CD58: variants seen among roughly 807,000 people sequenced by gnomAD.
CD58 encodes the protein lymphocyte function-associated antigen 3.
A neutral mutation model predicts 27.6 loss-of-function variants in CD58; 14 were observed. The observed-to-expected ratio is 0.51, with a 90% CI of 0.34 to 0.79. The LOEUF is 0.79. CD58 is among the 30% of genes least tolerant of loss of function. The pLI is 0.02. For synonymous variants in CD58, 117 were observed against 103.8 expected (o/e 1.13, Z -0.77); for missense variants, 268 against 301.7 (o/e 0.89, Z 0.83).
Position 116,550,784 on chromosome 1 carries a change from A to G in CD58, c.71-6180T>C. Among the ~76,000 whole-genome samples, 1 of 152,108 alleles carries G rather than the reference A, an allele frequency of 6.6e-6. No individual in the cohort carries two copies. Among genetic ancestry groups the G allele is most frequent in the East Asian group, 1.9e-4 (1 of 5,182 alleles). ...TATCTATGGCAGCTATAGCCTTACC[A>G]AGTGTATTCCTACATAATAAGACTT... On this transcript the variant is annotated intron_variant, in intron 1 of 5. Coordinates refer to ENST00000369489, the MANE Select transcript of CD58 (RefSeq NM_001779.3). The surrounding 1 kb of genome is among the most constrained non-coding windows in gnomAD (Gnocchi z 4.2).
Position 116,535,969 on chromosome 1 carries a change from G to A in CD58, c.624C>T (p.Ser208=). 1 of 1,604,210 alleles carries A rather than the reference G, an allele frequency of 6.2e-7. No homozygotes were observed. The highest frequency in any genetic ancestry group is 8.5e-7 in the Non-Finnish European group (1 of 1,175,096). The change falls in exon 3 of 6, where the codon AGC becomes AGT. Residue 208 remains serine (S), a synonymous_variant. Coordinates refer to ENST00000369489, the MANE Select transcript of CD58 (RefSeq NM_001779.3). ...CACATTTAGTTATTTACTCACCGCT[G>A]CTTGGGATACAGGTTGTCAAAATGA... ...SSIILTTCIP[S]SGHSRHRYAL...
chr1:116,525,401 T>A (rs1023114551), intron 3 of CD58, among the ~76,000 whole-genome samples: 4 of 152,264 alleles, frequency 2.6e-5, no homozygotes, highest in Admixed American at 6.5e-5. Flanking sequence ...TTCTATTGTC[T>A]GTATGTACCA....
At position 116,550,118 on chromosome 1, in the gene CD58, G is replaced by A. The variant is rs1658342717; in HGVS notation, c.71-5514C>T. ...AGGTCTTGCCTCAATGTTGATGGCT[G>A]CTGACTGATCAGGGTGTTGGTTGCT... On this transcript the variant is annotated intron_variant, in intron 1 of 5. Transcript: ENST00000369489. This position sits in a 1 kb window ranked among gnomAD's most constrained non-coding sequence, Gnocchi z 4.2. Among the ~76,000 whole-genome samples the A allele has an allele frequency of 6.6e-6, 1 of 152,190 alleles. No homozygotes were observed. Among genetic ancestry groups the A allele is most frequent in the South Asian group, 2.1e-4 (1 of 4,836 alleles).
Position 116,521,989 on chromosome 1 carries a change from A to AAAAAG in CD58, c.629-11_629-7dup, listed in dbSNP as rs770174255. 5 of 1,505,280 alleles carry AAAAAG rather than the reference A, an allele frequency of 3.3e-6. No homozygotes were observed. The highest frequency in any genetic ancestry group is 1.4e-5 in the African/African-American group (1 of 72,168). The allele number at this position is 1,505,280 out of a possible 1,614,324, so 93.2% of individuals were successfully genotyped here. A position where few individuals can be genotyped will look rare whatever the true frequency, so the allele number is the denominator to read the frequency against. On this transcript the variant is annotated splice_polypyrimidine_tract_variant and splice_region_variant and intron_variant, in intron 3 of 5. Transcript: ENST00000369489. This position sits in a 1 kb window ranked among gnomAD's most constrained non-coding sequence, Gnocchi z 5.6. The stretch of plus-strand genomic sequence containing the variant: ...ATATCTGTGTCTTGAATGACCTATA[A>AAAAAG]AAAAGAAAAGAAAAGAAATTCAACT...
At chr1:116,560,448 T>C (rs1320848353) in intron 1 of CD58, among the ~76,000 whole-genome samples, 1 of 152,238 alleles carries the variant, frequency 6.6e-6, no homozygotes, top group African/African-American at 2.4e-5. Context: ...GAATCCTTGT[T>C]ATTTTCTAGA....
Position 116,534,066 on chromosome 1 carries a change from C to T in CD58, c.628+1899G>A, listed in dbSNP as rs543978263. Reference sequence around the variant, plus strand: ...CAGCTTCCACGAAATCTGAAGGAACCCCATCTGAAAAACTGTTATCTGCCA... The same window carrying T: ...CAGCTTCCACGAAATCTGAAGGAACTCCATCTGAAAAACTGTTATCTGCCA... On this transcript the variant is annotated intron_variant, in intron 3 of 5. Transcript: ENST00000369489. This position sits in a 1 kb window ranked among gnomAD's most constrained non-coding sequence, Gnocchi z 5.3. The T allele has an allele frequency of 1.5e-5, 14 of 916,014 alleles. No individual in the cohort carries two copies. The South Asian group carries it at 1.8e-4, about 12-fold the overall frequency. The allele number at this position is 916,014 out of a possible 1,614,324, so 56.7% of individuals were successfully genotyped here. A position where few individuals can be genotyped will look rare whatever the true frequency, so the allele number is the denominator to read the frequency against.
At position 116,517,888 on chromosome 1, in the gene CD58, T is replaced by C. The variant is rs757912898; in HGVS notation, c.743+1343A>G. Among the ~76,000 whole-genome samples, 1 of 152,160 alleles carries C rather than the reference T, an allele frequency of 6.6e-6. No homozygotes were observed. The highest frequency in any genetic ancestry group is 1.5e-5 in the Non-Finnish European group (1 of 68,026). ...AACCTGTCAAAGCAAAAATTCATAA[T>C]TTTCCTTCCCAACCAAGATTCCTGT... On this transcript the variant is annotated intron_variant, in intron 5 of 5. Transcript: ENST00000369489. This position sits in a 1 kb window ranked among gnomAD's most constrained non-coding sequence, Gnocchi z 6.5.
At chr1:116,544,794 C>T (rs1327180806) in intron 1 of CD58, among the ~76,000 whole-genome samples, 190 bp from the exon 2 acceptor site, 3 of 152,136 alleles carry the variant, frequency 2.0e-5, no homozygotes, top group Non-Finnish European at 2.9e-5. Context: ...GAAATGGACC[C>T]GACATTCATG....
chr1:116,534,884 G>A lies in CD58; in HGVS notation c.628+1081C>T, dbSNP rs1657740079. ...TTTCCCTTATCTGTTTCAGCTGCTT[G>A]TTCAGAAAAATTTCATTCATAGACT... On this transcript the variant is annotated intron_variant, in intron 3 of 5. Coordinates refer to ENST00000369489, the MANE Select transcript of CD58 (RefSeq NM_001779.3). The surrounding 1 kb of genome is among the most constrained non-coding windows in gnomAD (Gnocchi z 5.3). 1.3e-5 allele frequency among the ~76,000 whole-genome samples: 2 copies of A among 152,082 alleles called. No homozygotes were observed. The highest frequency in any genetic ancestry group is 4.1e-4 in the South Asian group (2 of 4,824).
chr1:116,524,991 G>A lies in CD58; in HGVS notation c.629-3008C>T, dbSNP rs980534994. Among the ~76,000 whole-genome samples, 2 of 152,138 alleles carry A rather than the reference G, an allele frequency of 1.3e-5. No individual in the cohort carries two copies. Among genetic ancestry groups the A allele is most frequent in the African/African-American group, 4.8e-5 (2 of 41,422 alleles). ...GTACATACATCCTGCCCCTACACAT[G>A]CATAGCCTCCCCATTATCAATATCC... is the stretch of plus-strand genomic sequence containing the variant. On this transcript the variant is annotated intron_variant, in intron 3 of 5. Coordinates refer to ENST00000369489, the MANE Select transcript of CD58 (RefSeq NM_001779.3). This position sits in a 1 kb window ranked among gnomAD's most constrained non-coding sequence, Gnocchi z 4.6.
intron 1 of CD58, among the ~76,000 whole-genome samples, chr1:116,565,964 G>C (rs574162828): frequency 5.3e-5 from 8 of 152,078 alleles, no homozygotes; most frequent in African/African-American, 1.9e-4. Flanking sequence ...TGATCCGCCC[G>C]CCTTGGCCTC....
intron 3 of CD58, chr1:116,533,797 T>A: frequency 1.4e-6 from 1 of 739,196 alleles, no homozygotes; most frequent in Non-Finnish European, 2.5e-6. Flanking sequence ...GAGAGGCTGG[T>A]ATAATGCTGC....
chr1:116,519,941 G>T lies in CD58; in HGVS notation c.707-674C>A, dbSNP rs1032388377. On this transcript the variant is annotated intron_variant, in intron 4 of 5. Coordinates refer to ENST00000369489, the MANE Select transcript of CD58 (RefSeq NM_001779.3). The surrounding 1 kb of genome is among the most constrained non-coding windows in gnomAD (Gnocchi z 4.7). ...TCCGCCTGACCCTAGAACTATGCTA[G>T]TGGTTCAGAAGCTTAGTCAATAGGG... Among the ~76,000 whole-genome samples the T allele has an allele frequency of 6.6e-6, 1 of 152,202 alleles. No individual in the cohort carries two copies. Among genetic ancestry groups the T allele is most frequent in the African/African-American group, 2.4e-5 (1 of 41,442 alleles).
At chr1:116,556,543 AG>A (rs1447319888) in intron 1 of CD58, among the ~76,000 whole-genome samples, 1 of 152,204 alleles carries the variant, frequency 6.6e-6, no homozygotes, top group Non-Finnish European at 1.5e-5. Context: ...CAAATGAGAA[AG>A]TCAAACTGAG....
rs1347392537 is a variant in CD58, at chr1:116,522,274, T to G, written c.629-291A>C. Among the ~76,000 whole-genome samples, 1 of 152,248 alleles carries G rather than the reference T, an allele frequency of 6.6e-6. No individual in the cohort carries two copies. The highest frequency in any genetic ancestry group is 1.5e-5 in the Non-Finnish European group (1 of 68,044). ...TGCAGTCTATTTAGTGCCATGATTT[T>G]GCATTTTTGTGCTTTTTTGTTGGTG... is the stretch of plus-strand genomic sequence containing the variant. On this transcript the variant is annotated intron_variant, in intron 3 of 5. Transcript: ENST00000369489. This position sits in a 1 kb window ranked among gnomAD's most constrained non-coding sequence, Gnocchi z 4.6.
At position 116,557,785 on chromosome 1, in the gene CD58, T is replaced by G. The variant is rs1178278626; in HGVS notation, c.70+13118A>C. Among the ~76,000 whole-genome samples the G allele has an allele frequency of 6.6e-6, 1 of 152,036 alleles. No individual in the cohort carries two copies. The highest frequency in any genetic ancestry group is 6.6e-5 in the Admixed American group (1 of 15,260). On this transcript the variant is annotated intron_variant, in intron 1 of 5. Coordinates refer to ENST00000369489, the MANE Select transcript of CD58 (RefSeq NM_001779.3). The surrounding 1 kb of genome is among the most constrained non-coding windows in gnomAD (Gnocchi z 5.2). Reference sequence around the variant, plus strand: ...ACCTCCTGGGCTCAAGTGATCCTTCTGCCTCAGCCTCCCAAGTAGCTAGAA... The same window carrying G: ...ACCTCCTGGGCTCAAGTGATCCTTCGGCCTCAGCCTCCCAAGTAGCTAGAA...
At chr1:116,530,707 A>C (rs1657576413) in intron 3 of CD58, among the ~76,000 whole-genome samples, 2 of 152,216 alleles carry the variant, frequency 1.3e-5, no homozygotes, top group Non-Finnish European at 2.9e-5. Context: ...TCTAGTATTT[A>C]ACTGTTATAC....
intron 3 of CD58, among the ~76,000 whole-genome samples, chr1:116,530,760 A>C (rs1291525280): frequency 2.0e-5 from 3 of 152,230 alleles, no homozygotes; most frequent in Non-Finnish European, 2.9e-5. Context: ...GGTTCCACAC[A>C]AAAGCATTCA....
chr1:116,543,976 G>A (rs1429317602), intron 2 of CD58, among the ~76,000 whole-genome samples: 5 of 152,088 alleles, frequency 3.3e-5, no homozygotes, highest in South Asian at 2.1e-4. Flanking sequence ...CAATCTCCCC[G>A]CTGTGTGGGG....
Sources: allele counts gnomAD v4.1 joint callset (sites outside exome capture counted in the v4.1 genomes callset), GRCh38; gene constraint gnomAD v4.1.1; non-coding constraint Gnocchi (gnomAD v3.1); transcripts MANE v1.5; gene names NCBI Gene and HGNC (gene_info 2026-07-23, HGNC 2026-07-21).